Variants in UNC13C observed in about 807,000 individuals in gnomAD.
UNC13C encodes protein unc-13 homolog C.
UNC13C carries 174 observed loss-of-function variants against 245.4 expected under a neutral mutation model. The ratio of observed to expected loss-of-function variants is 0.71; its 90% CI spans 0.63 to 0.80. The LOEUF (loss-of-function observed/expected upper bound fraction) is 0.80. UNC13C is among the 30% of genes least tolerant of loss of function. The pLI is 0.00. For missense variants in UNC13C, 2,829 were observed against 2,602.9 expected (o/e 1.09, Z -1.89); for synonymous variants, 992 against 895.1 (o/e 1.11, Z -1.93).
In UNC13C at chr15:54,538,133, C is replaced by CAAAAAAAAAAAAAAA. The variant is rs56041311; in HGVS notation, c.5696+5084_5696+5098dup. Among the ~76,000 whole-genome samples the CAAAAAAAAAAAAAAA allele has an allele frequency of 8.8e-4, 9 of 10,246 alleles. 1 individual carries two copies. Among genetic ancestry groups the CAAAAAAAAAAAAAAA allele is most frequent in the Admixed American group, 5.2e-3 (2 of 382 alleles). 6.7% of individuals were successfully genotyped at this position (10,246 alleles called of 152,430 possible). A position where few individuals can be genotyped will look rare whatever the true frequency, so the allele number is the denominator to read the frequency against. On this transcript the variant is annotated intron_variant, in intron 26 of 32. Transcript: ENST00000260323. The stretch of plus-strand genomic sequence containing the variant: ...TAAGGAGCTTAAATACATTAACAAG[C>CAAAAAAAAAAAAAAA]AAAAAAAAAAAAAAAAAAAAAAAAA...
At chr15:54,625,280 C>T (rs1901060035) in intron 32 of UNC13C, among the ~76,000 whole-genome samples, 1 of 1,190 alleles carries the variant, frequency 8.4e-4, no homozygotes, top group Non-Finnish European at 1.8e-3. Context: ...AAGAAGAAAC[C>T]CTACTGAGAT....
At chr15:54,563,670 T>G (rs1374186768) in intron 29 of UNC13C, among the ~76,000 whole-genome samples, 1 of 152,024 alleles carries the variant, frequency 6.6e-6, no homozygotes, top group African/African-American at 2.4e-5. Flanking sequence ...TAGCATGTTA[T>G]CCCCCAACAA....
In UNC13C at chr15:54,013,503, A is replaced by C; in HGVS notation, c.600A>C (p.Leu200Phe). Residue 200 changes from leucine (L) to phenylalanine (F), a missense_variant, in exon 2 of 33, where the codon TTA (leucine) becomes TTC (phenylalanine). Leu to Phe is a conservative substitution (Grantham distance 22). Coordinates refer to ENST00000260323, the MANE Select transcript of UNC13C (RefSeq NM_001080534.3). ...AATGTGTCTCCTCAGACTCAGAGTT[A>C]AGCACCATGAAAAAATCCTGGGGAA... is the stretch of plus-strand genomic sequence containing the variant. ...SQECVSSDSE[L>F]STMKKSWGIR... 6.2e-7 allele frequency: 1 copy of C among 1,613,906 alleles called. No individual in the cohort carries two copies. Among genetic ancestry groups the C allele is most frequent in the East Asian group, 2.2e-5 (1 of 44,890 alleles).
chr15:54,319,833 A>G (rs2038104029), intron 13 of UNC13C, among the ~76,000 whole-genome samples: 1 of 150,476 alleles, frequency 6.6e-6, no homozygotes, highest in Non-Finnish European at 1.5e-5. Flanking sequence ...TTTTATCATA[A>G]GCTGTGCTTT....
intron 10 of UNC13C, among the ~76,000 whole-genome samples, chr15:54,269,875 A>G (rs903682411): frequency 2.6e-5 from 4 of 152,214 alleles, no homozygotes; most frequent in Non-Finnish European, 5.9e-5. Context: ...CAAAGAAGAA[A>G]TTCAAATTTA....
chr15:54,194,247 T>C (rs2141331885), intron 4 of UNC13C, among the ~76,000 whole-genome samples: 1 of 152,256 alleles, frequency 6.6e-6, no homozygotes, highest in East Asian at 1.9e-4. Context: ...TGATCATATT[T>C]TGAAGGTACT....
At chr15:53,991,442 C>T (rs1045140816) in intron 1 of UNC13C, among the ~76,000 whole-genome samples, 3 of 151,972 alleles carry the variant, frequency 2.0e-5, no homozygotes, top group Non-Finnish European at 4.4e-5. Context: ...TCAATCTTTA[C>T]CAAGTGGCTG....
the UNC13C span, among the ~76,000 whole-genome samples, chr15:53,939,783 G>T: frequency 6.6e-6 from 1 of 150,922 alleles, no homozygotes; most frequent in Non-Finnish European, 1.5e-5. Context: ...AATAAAATTT[G>T]TCATTGTAAG....
chr15:54,120,869 C>T (rs547100381), intron 2 of UNC13C, among the ~76,000 whole-genome samples: 38 of 152,098 alleles, frequency 2.5e-4, no homozygotes, highest in Non-Finnish European at 4.7e-4. Context: ...AGATATGAAG[C>T]CTGAAAGTGG....
At chr15:53,980,240 A>C (rs1403272806) in intron 1 of UNC13C, among the ~76,000 whole-genome samples, 1 of 152,204 alleles carries the variant, frequency 6.6e-6, no homozygotes, top group Non-Finnish European at 1.5e-5. Context: ...CGTAAACAAA[A>C]TGAGGAAATC....
intron 30 of UNC13C, among the ~76,000 whole-genome samples, chr15:54,615,285 TA>T (rs1900355707): frequency 6.6e-6 from 1 of 152,060 alleles, no homozygotes; most frequent in South Asian, 2.1e-4. Context: ...CCTATTGTAC[TA>T]CCAAAAAGAG....
rs181390069 is a variant in UNC13C, at chr15:54,089,779, T to C, written c.2984-53239T>C. 1.9e-3 allele frequency among the ~76,000 whole-genome samples: 286 copies of C among 152,046 alleles called. 2 individuals carry two copies. The highest frequency in any genetic ancestry group is 6.7e-3 in the African/African-American group (277 of 41,468). ...ACTCTCTGGAGAGAAATTTTAAAGATACACATGTAAAGTAACTCAGAAATT... is the reference window on the plus strand; with the variant it reads ...ACTCTCTGGAGAGAAATTTTAAAGACACACATGTAAAGTAACTCAGAAATT... On this transcript the variant is annotated intron_variant, in intron 2 of 32. Coordinates refer to ENST00000260323, the MANE Select transcript of UNC13C (RefSeq NM_001080534.3).
At chr15:54,578,575 T>G (rs1898061903) in intron 30 of UNC13C, among the ~76,000 whole-genome samples, 1 of 152,244 alleles carries the variant, frequency 6.6e-6, no homozygotes, top group Non-Finnish European at 1.5e-5. Flanking sequence ...ACTTGACATT[T>G]GTTTACATCT....
chr15:54,168,455 G>A (rs17732927), intron 4 of UNC13C, among the ~76,000 whole-genome samples: 47,426 of 151,884 alleles, frequency 0.31, 8,146 homozygotes, highest in African/African-American at 0.45. Flanking sequence ...TTGGGATCTC[G>A]CTCATTTTTA....
At chr15:54,099,296 A>G (rs1015147519) in intron 2 of UNC13C, among the ~76,000 whole-genome samples, 3 of 152,112 alleles carry the variant, frequency 2.0e-5, no homozygotes, top group Non-Finnish European at 4.4e-5. Context: ...CTCCCATGGA[A>G]AAAGCCAGGT....
intron 10 of UNC13C, among the ~76,000 whole-genome samples, chr15:54,279,172 C>G (rs1188986891): frequency 1.3e-5 from 2 of 152,154 alleles, no homozygotes; most frequent in Non-Finnish European, 2.9e-5. Context: ...TGTGCAGTGA[C>G]TTGGCATTTT....
chr15:54,260,026 T>C (rs573663341), intron 8 of UNC13C, among the ~76,000 whole-genome samples: 3 of 152,274 alleles, frequency 2.0e-5, no homozygotes, highest in African/African-American at 7.2e-5. Flanking sequence ...TATCCAATTA[T>C]GCCAATCATT....
chr15:54,175,508 AT>A (rs55925649), intron 4 of UNC13C, among the ~76,000 whole-genome samples: 33,732 of 105,548 alleles, frequency 0.32, 3,001 homozygotes, highest in South Asian at 0.39. Context: ...TGGCCCTAGA[AT>A]TTTTTTTTTT....
At chr15:54,392,974 A>G (rs537266979) in intron 17 of UNC13C, 74 bp from the exon 18 acceptor site, 25 of 1,392,674 alleles carry the variant, frequency 1.8e-5, no homozygotes, top group Middle Eastern at 1.9e-4. Context: ...TTGATCTTCT[A>G]TTTGACAGTG....
Sources: allele counts gnomAD v4.1 joint callset (sites outside exome capture counted in the v4.1 genomes callset), GRCh38; gene constraint gnomAD v4.1.1; transcripts MANE v1.5; gene names NCBI Gene and HGNC (gene_info 2026-07-23, HGNC 2026-07-21).